The following PRDM16 variants were observed in gnomAD, a reference collection of about 807,000 sequenced individuals.
The protein encoded by PRDM16 is PR/SET domain 16.
In PRDM16, 23 loss-of-function variants were observed where a neutral mutation model predicts 110.6. That is an observed-to-expected ratio of 0.21 (90% CI 0.15 to 0.29). The LOEUF (loss-of-function observed/expected upper bound fraction) is 0.29, where lower values mean the gene tolerates loss of function less well. Ranked by LOEUF, PRDM16 falls within the 10% of genes least tolerant of loss-of-function variation. PRDM16 has a pLI of 1.00. For missense variants in PRDM16, 1,615 were observed against 1,794.3 expected, an observed-to-expected ratio of 0.90 and a Z score of 1.81; for synonymous variants, 799 against 781.8, an observed-to-expected ratio of 1.02 and a Z score of -0.37.
intron 3 of PRDM16, among the ~76,000 whole-genome samples, chr1:3,364,686 C>A (rs571906742): frequency 2.6e-5 from 4 of 152,356 alleles, no homozygotes; most frequent in African/African-American, 7.2e-5. Context: ...CTTCCTCCCC[C>A]ACTCAGCTGC....
rs1638959084 is a variant in PRDM16 at position 3,438,230 on chromosome 1, G to A, written c.*4419G>A. On this transcript the variant is annotated 3_prime_UTR_variant, in exon 17 of 17. Coordinates refer to ENST00000270722, the MANE Select transcript of PRDM16 (RefSeq NM_022114.4). Reference sequence around the variant, plus strand: ...ACTCCTGCTTAGCGGTCATTATCGTGTCTGTTGGTGAAATTTTTATTAAAA... The same window carrying A: ...ACTCCTGCTTAGCGGTCATTATCGTATCTGTTGGTGAAATTTTTATTAAAA... The A allele has an allele frequency of 2.5e-5, 5 of 202,282 alleles. No individual in the cohort carries two copies. The East Asian group carries it at 3.8e-4, about 15-fold the overall frequency. The allele number at this position is 202,282 out of a possible 1,614,324, so 12.5% of individuals were successfully genotyped here.
At chr1:3,327,842 T>C (rs950680290) in intron 3 of PRDM16, among the ~76,000 whole-genome samples, 1 of 152,214 alleles carries the variant, frequency 6.6e-6, no homozygotes, top group Non-Finnish European at 1.5e-5. Flanking sequence ...CACTGGCTGA[T>C]GCTGGCAGTG....
At chr1:3,259,751 AG>A (rs1326856739) in intron 3 of PRDM16, among the ~76,000 whole-genome samples, 2 of 151,760 alleles carry the variant, frequency 1.3e-5, no homozygotes, top group African/African-American at 2.4e-5. Context: ...GCCCCAAGCA[AG>A]GGACTTCTGC....
At chr1:3,427,159 G>A (rs1185668311) in intron 14 of PRDM16, among the ~76,000 whole-genome samples, 5 of 152,214 alleles carry the variant, frequency 3.3e-5, no homozygotes, top group Admixed American at 6.5e-5. Flanking sequence ...CAGGAATGTC[G>A]GCGCATGCTC....
chr1:3,436,031 C>T lies in PRDM16; in HGVS notation c.*2220C>T, dbSNP rs1052988867. ...AAACACAACTGCTCAGGCCTTCTCA[C>T]GCGTTTCCACAACATCCCCTGGGTC... is the stretch of plus-strand genomic sequence containing the variant. On this transcript the variant is annotated 3_prime_UTR_variant, in exon 17 of 17. Transcript: ENST00000270722. 4 of 230,432 alleles carry T rather than the reference C, an allele frequency of 1.7e-5. No individual in the cohort carries two copies. Among genetic ancestry groups the T allele is most frequent in the South Asian group, 3.6e-4 (2 of 5,496 alleles). 14.3% of individuals were successfully genotyped at this position (230,432 alleles called of 1,614,324 possible).
intron 3 of PRDM16, among the ~76,000 whole-genome samples, chr1:3,360,233 C>A (rs1199810268): frequency 6.6e-6 from 1 of 152,230 alleles, no homozygotes. Flanking sequence ...GCTTGCGGGC[C>A]AGAGCGACCA....
At chr1:3,181,713 C>A (rs1462404621) in intron 1 of PRDM16, among the ~76,000 whole-genome samples, 2 of 129,910 alleles carry the variant, frequency 1.5e-5, no homozygotes, top group African/African-American at 5.8e-5. Context: ...CGGTCTTACA[C>A]ACGCAGTCTT....
rs1409756980 is a variant in PRDM16 at position 3,359,204 on chromosome 1, T to A, written c.439-25948T>A. On this transcript the variant is annotated intron_variant, in intron 3 of 16. Coordinates refer to ENST00000270722, the MANE Select transcript of PRDM16 (RefSeq NM_022114.4). The surrounding 1 kb of genome is among the most constrained non-coding windows in gnomAD (Gnocchi z 4.3). The stretch of plus-strand genomic sequence containing the variant: ...ACAGGCAGGTGCCACCGTGCCTAGT[T>A]AATATGTCCATTTTGTGTTGACTTG... Among the ~76,000 whole-genome samples, 1 of 152,076 alleles carries A rather than the reference T, an allele frequency of 6.6e-6. No homozygotes were observed. Among genetic ancestry groups the A allele is most frequent in the East Asian group, 1.9e-4 (1 of 5,160 alleles).
At chr1:3,145,483 G>A (rs1643629828) in intron 1 of PRDM16, among the ~76,000 whole-genome samples, 1 of 152,160 alleles carries the variant, frequency 6.6e-6, no homozygotes. Flanking sequence ...AGCCTGGACT[G>A]GAGAGTCCCC....
At chr1:3,118,003 C>T (rs566912922) in intron 1 of PRDM16, among the ~76,000 whole-genome samples, 74 of 151,430 alleles carry the variant, frequency 4.9e-4, no homozygotes, top group African/African-American at 1.3e-3. Flanking sequence ...CGCGTGTGTG[C>T]GTGTGCGTGT....
intron 2 of PRDM16, among the ~76,000 whole-genome samples, chr1:3,199,941 T>C (rs1003337281): frequency 6.6e-6 from 1 of 152,234 alleles, no homozygotes; most frequent in Non-Finnish European, 1.5e-5. Context: ...TGTCCTTGTG[T>C]TCCGTCTCTC....
At chr1:3,264,242 G>T (rs1640233776) in intron 3 of PRDM16, among the ~76,000 whole-genome samples, 1 of 152,226 alleles carries the variant, frequency 6.6e-6, no homozygotes, top group African/African-American at 2.4e-5. Context: ...GGCCTTAAGG[G>T]AGTCCATGAG....
chr1:3,417,709 T>C, intron 10 of PRDM16, 119 bp from the exon 11 acceptor site: 1 of 859,830 alleles, frequency 1.2e-6, no homozygotes, highest in Non-Finnish European at 1.9e-6. Context: ...AGACCATTGC[T>C]TCCAGTGCCC....
rs751352569 is a variant in PRDM16, at chr1:3,425,292, A to C, written c.2940-289A>C. Reference sequence around the variant, plus strand: ...ACGGGGTTTCACCATGTCAGCCAGGATGGTCTCGATCTCCTGACCTCGTGA... The same window carrying C: ...ACGGGGTTTCACCATGTCAGCCAGGCTGGTCTCGATCTCCTGACCTCGTGA... On this transcript the variant is annotated intron_variant, in intron 12 of 16. Coordinates refer to ENST00000270722, the MANE Select transcript of PRDM16 (RefSeq NM_022114.4). This position sits in a 1 kb window ranked among gnomAD's most constrained non-coding sequence, Gnocchi z 6.9. 6.2e-5 allele frequency: 16 copies of C among 257,086 alleles called. No homozygotes were observed. The highest frequency in any genetic ancestry group is 8.3e-5 in the Non-Finnish European group (11 of 133,238). 15.9% of individuals were successfully genotyped at this position (257,086 alleles called of 1,614,324 possible). A position where few individuals can be genotyped will look rare whatever the true frequency, so the allele number is the denominator to read the frequency against.
chr1:3,336,122 G>A (rs1460920820), intron 3 of PRDM16, among the ~76,000 whole-genome samples: 1 of 152,210 alleles, frequency 6.6e-6, no homozygotes, highest in Non-Finnish European at 1.5e-5. Flanking sequence ...GAGGGTGTGG[G>A]GTCTGACTGC....
intron 1 of PRDM16, among the ~76,000 whole-genome samples, chr1:3,112,793 C>G (rs1270879736): frequency 6.6e-6 from 1 of 152,276 alleles, no homozygotes; most frequent in East Asian, 1.9e-4. Context: ...GAGGTCTGCA[C>G]TCCCCTAATT....
chr1:3,363,237 C>T (rs766483854), intron 3 of PRDM16, among the ~76,000 whole-genome samples: 5 of 152,198 alleles, frequency 3.3e-5, no homozygotes, highest in Non-Finnish European at 4.4e-5. Context: ...AAGGGCTGCC[C>T]GCCTCTCAAG....
chr1:3,294,283 G>T (rs911016294), intron 3 of PRDM16, among the ~76,000 whole-genome samples: 1 of 152,278 alleles, frequency 6.6e-6, no homozygotes, highest in Non-Finnish European at 1.5e-5. Flanking sequence ...TGGAGTGGGG[G>T]TGTATCCAGG....
In PRDM16 at chr1:3,425,510, C is replaced by A. The variant is rs1003971774; in HGVS notation, c.2940-71C>A. On this transcript the variant is annotated intron_variant, in intron 12 of 16. Transcript: ENST00000270722. This position sits in a 1 kb window ranked among gnomAD's most constrained non-coding sequence, Gnocchi z 6.9. ...GGGCAGGGGCGCGGGCTCCCTTCCC[C>A]CCACCCTCTGTGGCCCGGCCTGCCA... The A allele has an allele frequency of 6.5e-7, 1 of 1,539,572 alleles. No individual in the cohort carries two copies. Among genetic ancestry groups the A allele is most frequent in the Non-Finnish European group, 8.8e-7 (1 of 1,129,964 alleles).
Sources: gnomAD v4.1 joint callset for allele counts (sites outside exome capture counted in the v4.1 genomes callset) on GRCh38, gnomAD v4.1.1 for gene constraint, Gnocchi (gnomAD v3.1) non-coding constraint, MANE v1.5 for transcripts, NCBI Gene and HGNC (gene_info 2026-07-23, HGNC 2026-07-21) for gene names.